Variants in SEC14L5 observed in about 807,000 individuals in gnomAD.
SEC14L5 encodes SEC14-like protein 5.
Under a neutral mutation model 84.6 loss-of-function variants are expected in SEC14L5, and 96 were observed. The ratio of observed to expected loss-of-function variants is 1.13; its 90% CI spans 0.96 to 1.34. The LOEUF (loss-of-function observed/expected upper bound fraction) is 1.34, where lower values mean the gene tolerates loss of function less well. Ranked by LOEUF, SEC14L5 falls within the 40% of genes most tolerant of loss-of-function variation. SEC14L5 has a pLI of 0.00. For missense variants in SEC14L5, 1,224 were observed against 942.5 expected (o/e 1.30, Z -3.91); for synonymous variants, 546 against 383.4 (o/e 1.42, Z -4.95).
At chr16:4,960,109 A>C (rs1182272397) in intron 2 of SEC14L5, among the ~76,000 whole-genome samples, 2 of 152,220 alleles carry the variant, frequency 1.3e-5, no homozygotes, top group African/African-American at 4.8e-5. Context: ...CCCCAGGATC[A>C]CTGGTCTTTT....
chr16:5,013,112 G>A lies in SEC14L5; in HGVS notation c.1980-1747G>A, dbSNP rs567662451. Among the ~76,000 whole-genome samples the A allele has an allele frequency of 3.9e-5, 6 of 152,168 alleles. No individual in the cohort carries two copies. In the South Asian group the frequency reaches 1.0e-3, roughly 26 times the overall value. On this transcript the variant is annotated intron_variant, in intron 15 of 15. Coordinates refer to ENST00000251170, the MANE Select transcript of SEC14L5 (RefSeq NM_014692.2). Reference sequence around the variant, plus strand: ...TCATTCACTATCGCAAGAAGACCATGGGGGAAACTGCCCCCATGATCCAAT... The same window carrying A: ...TCATTCACTATCGCAAGAAGACCATAGGGGAAACTGCCCCCATGATCCAAT...
chr16:4,962,321 C>T (rs1049466759), intron 2 of SEC14L5, among the ~76,000 whole-genome samples: 2 of 152,074 alleles, frequency 1.3e-5, no homozygotes, highest in Non-Finnish European at 2.9e-5. Context: ...GGCACGGCTC[C>T]ATTTACTCCC....
rs1427915797 is a variant in SEC14L5, at chr16:4,987,553, C to G, written c.64-4C>G. On this transcript the variant is annotated splice_polypyrimidine_tract_variant and splice_region_variant and intron_variant, in intron 2 of 15. Coordinates refer to ENST00000251170, the MANE Select transcript of SEC14L5 (RefSeq NM_014692.2). ...ACGGCCGCTCACTGCCGCTCTGCCC[C>G]CAGGCCTACGAGAAGCGTTTCCCCA... 2 of 1,549,770 alleles carry G rather than the reference C, an allele frequency of 1.3e-6. No homozygotes were observed. The highest frequency in any genetic ancestry group is 2.8e-5 in the African/African-American group (2 of 71,418).
intron 8 of SEC14L5, among the ~76,000 whole-genome samples, chr16:4,999,193 G>A (rs564133870): frequency 3.3e-4 from 50 of 152,304 alleles, no homozygotes; most frequent in African/African-American, 8.4e-4. Context: ...AAGTGGCCAC[G>A]TGCTCCATGC....
chr16:4,964,626 G>C (rs914323259), intron 2 of SEC14L5, among the ~76,000 whole-genome samples: 3 of 151,796 alleles, frequency 2.0e-5, no homozygotes, highest in Non-Finnish European at 4.4e-5. Context: ...CTCTGCTCGA[G>C]GCCTCAGCAC....
At chr16:4,981,255 G>GTTTTTTTTTTTTTTTTTTTTT (rs58882220) in intron 2 of SEC14L5, among the ~76,000 whole-genome samples, 1 of 92,902 alleles carries the variant, frequency 1.1e-5, no homozygotes. Context: ...TAGCTAATTG[G>GTTTTTTTTTTTTTTTTTTTTT]TTTTTTTTTT....
rs1555530444 is a variant in SEC14L5 at position 4,998,003 on chromosome 16, C to CCTTTTTTTTTTTTTTTTTTTT, written c.970+959_970+960insCTTTTTTTTTTTTTTTTTTTT. Reference sequence around the variant, plus strand: ...AATTACACCTGCACAGACTCTAGTTCTTTTTTTTTTTTTTTTTTGAGACAG... The same window carrying CCTTTTTTTTTTTTTTTTTTTT: ...AATTACACCTGCACAGACTCTAGTTCCTTTTTTTTTTTTTTTTTTTTTTTTTTTTTTTTTTTTTTGAGACAG... On this transcript the variant is annotated intron_variant, in intron 8 of 15. Coordinates refer to ENST00000251170, the MANE Select transcript of SEC14L5 (RefSeq NM_014692.2). 5.1e-5 allele frequency among the ~76,000 whole-genome samples: 4 copies of CCTTTTTTTTTTTTTTTTTTTT among 77,896 alleles called. 1 individual carries two copies. The highest frequency in any genetic ancestry group is 1.5e-4 in the African/African-American group (3 of 19,360). 51.1% of individuals were successfully genotyped at this position (77,896 alleles called of 152,430 possible).
chr16:4,990,073 TA>T (rs924165440), intron 4 of SEC14L5, among the ~76,000 whole-genome samples: 2 of 151,466 alleles, frequency 1.3e-5, no homozygotes, highest in East Asian at 3.9e-4. Context: ...TACAACTATT[TA>T]AAAAATCTAT....
intron 5 of SEC14L5, among the ~76,000 whole-genome samples, chr16:4,991,391 C>T (rs1955552176): frequency 1.3e-5 from 2 of 151,774 alleles, no homozygotes; most frequent in Non-Finnish European, 2.9e-5. Flanking sequence ...TGGACTCCAT[C>T]TCTAAAAAAA....
At chr16:5,001,869 C>G (rs1269379655) in intron 10 of SEC14L5, among the ~76,000 whole-genome samples, 1 of 151,978 alleles carries the variant, frequency 6.6e-6, no homozygotes, top group African/African-American at 2.4e-5. Flanking sequence ...ACCTGCTGGG[C>G]TCAAGCAGTC....
intron 7 of SEC14L5, 50 bp from the exon 8 acceptor site, chr16:4,996,805 C>G (rs778205544): frequency 2.1e-6 from 3 of 1,421,318 alleles, no homozygotes; most frequent in Non-Finnish European, 2.9e-6. Context: ...ATTTTATCTG[C>G]TGGGTCAGGG....
At chr16:5,013,550 CT>C (rs869041446) in intron 15 of SEC14L5, among the ~76,000 whole-genome samples, 78 of 44,958 alleles carry the variant, frequency 1.7e-3, no homozygotes, top group African/African-American at 5.0e-3. Context: ...GCTTGCCTGG[CT>C]TTTTTTTTTT....
intron 2 of SEC14L5, among the ~76,000 whole-genome samples, chr16:4,968,614 G>A (rs1568105647): frequency 6.6e-6 from 1 of 152,242 alleles, no homozygotes; most frequent in Non-Finnish European, 1.5e-5. Context: ...GTGAGCCACT[G>A]TACCTGGCCT....
At chr16:4,987,420 C>A in intron 2 of SEC14L5, 137 bp from the exon 3 acceptor site, 2 of 672,780 alleles carry the variant, frequency 3.0e-6, no homozygotes, top group Non-Finnish European at 4.8e-6. Flanking sequence ...GTAATGACGG[C>A]AAAATCCCTG....
intron 13 of SEC14L5, among the ~76,000 whole-genome samples, chr16:5,008,135 C>T (rs1162107687): frequency 6.6e-6 from 1 of 150,860 alleles, no homozygotes; most frequent in Non-Finnish European, 1.5e-5. Flanking sequence ...AGACTGGTCT[C>T]GAACTCCTGA....
At chr16:5,001,787 C>G (rs1004751150) in intron 10 of SEC14L5, among the ~76,000 whole-genome samples, 8 of 150,764 alleles carry the variant, frequency 5.3e-5, no homozygotes, top group African/African-American at 2.0e-4. Context: ...TTTTTTTTTC[C>G]TTTGAGACAG....
chr16:4,997,311 G>C (rs1444649110), intron 8 of SEC14L5, among the ~76,000 whole-genome samples: 1 of 152,170 alleles, frequency 6.6e-6, no homozygotes, highest in African/African-American at 2.4e-5. Flanking sequence ...TTTTGACCAG[G>C]CTGGTCCCAA....
rs961311206 is a variant in SEC14L5, at chr16:4,972,231, G to A, written c.63+12845G>A. On this transcript the variant is annotated intron_variant, in intron 2 of 15. Transcript: ENST00000251170. Reference sequence around the variant, plus strand: ...TTGCCCAGGCTGGTCTCAAACTCCCGGCTTCAAGTGATCCTCTTGCCTTGG... The same window carrying A: ...TTGCCCAGGCTGGTCTCAAACTCCCAGCTTCAAGTGATCCTCTTGCCTTGG... 1.5e-4 allele frequency among the ~76,000 whole-genome samples: 23 copies of A among 151,978 alleles called. No homozygotes were observed. In the South Asian group the frequency reaches 1.7e-3, roughly 11 times the overall value.
chr16:4,984,683 C>T (rs1568122330), intron 2 of SEC14L5, among the ~76,000 whole-genome samples: 1 of 152,178 alleles, frequency 6.6e-6, no homozygotes, highest in African/African-American at 2.4e-5. Flanking sequence ...TCTCCACATC[C>T]TCACCAGCAC....
Sources: gnomAD v4.1 joint callset for allele counts (sites outside exome capture counted in the v4.1 genomes callset) on GRCh38, gnomAD v4.1.1 for gene constraint, MANE v1.5 for transcripts, NCBI Gene and HGNC (gene_info 2026-07-23, HGNC 2026-07-21) for gene names.